ANKRD33B: variants seen among roughly 807,000 people sequenced by gnomAD.
ANKRD33B encodes ankyrin repeat domain-containing protein 33B.
In ANKRD33B, 6 loss-of-function variants were observed where a neutral mutation model predicts 21.5. The ratio of observed to expected loss-of-function variants is 0.28; its 90% CI spans 0.15 to 0.55. ANKRD33B has a LOEUF of 0.55. ANKRD33B is among the 20% of genes least tolerant of loss of function. The probability of loss-of-function intolerance (pLI) is 0.94; values close to 1 mark genes in which losing one functional copy is unlikely to be tolerated. For missense variants in ANKRD33B, 698 were observed against 747.2 expected (o/e 0.93, Z 0.77); for synonymous variants, 347 against 342.4 (o/e 1.01, Z -0.15).
chr5:10,564,908 C>T, intron 1 of ANKRD33B, 75 bp downstream of exon 1: 1 of 1,431,578 alleles, frequency 7.0e-7, no homozygotes, highest in East Asian at 2.5e-5. Context: ...ATCCCCGCGC[C>T]TCCCAGCTCC....
At chr5:10,588,822 G>A (rs562178167) in intron 1 of ANKRD33B, among the ~76,000 whole-genome samples, 1 of 152,334 alleles carries the variant, frequency 6.6e-6, no homozygotes, top group Admixed American at 6.5e-5. Context: ...ATGCCATTGG[G>A]ATGTGGAGAT....
Position 10,655,104 on chromosome 5 carries a change from A to T in ANKRD33B, c.*4991A>T, listed in dbSNP as rs766307539. On this transcript the variant is annotated 3_prime_UTR_variant, in exon 4 of 4. Coordinates refer to ENST00000296657, the MANE Select transcript of ANKRD33B (RefSeq NM_001164440.2). ...GGCTCCTCCTGGGAGCAGGAGAGAGAGAGTTTGTGATGTTGGTTGGAAAAT... is the reference window on the plus strand; with the variant it reads ...GGCTCCTCCTGGGAGCAGGAGAGAGTGAGTTTGTGATGTTGGTTGGAAAAT... The T allele has an allele frequency of 6.6e-6, 1 of 152,216 alleles. No homozygotes were observed. Among genetic ancestry groups the T allele is most frequent in the Non-Finnish European group, 1.5e-5 (1 of 68,046 alleles). The allele number at this position is 152,216 out of a possible 1,614,324, so 9.4% of individuals were successfully genotyped here.
At position 10,637,462 on chromosome 5, in the gene ANKRD33B, A is replaced by ACACACACGG. The variant is rs1491289427; in HGVS notation, c.497-565_497-564insACACACGGC. On this transcript the variant is annotated intron_variant, in intron 2 of 3. Transcript: ENST00000296657. ...CACACACACACACACACACACACAC[A>ACACACACGG]CGGCGGCGGGGGGAGGGGTGGTGGT... Among the ~76,000 whole-genome samples the ACACACACGG allele has an allele frequency of 1.1e-3, 126 of 114,626 alleles. 1 individual carries two copies. Among genetic ancestry groups the ACACACACGG allele is most frequent in the African/African-American group, 3.7e-3 (118 of 31,560 alleles). The allele number at this position is 114,626 out of a possible 152,430, so 75.2% of individuals were successfully genotyped here.
Position 10,618,481 on chromosome 5 carries a change from C to G in ANKRD33B, c.496+19C>G, listed in dbSNP as rs1736339654. ...CAGGCAGGTAAGAGCTGGCTTTCCC[C>G]TTTCCTCTCAGAGCCGTGGCCAGAG... On this transcript the variant is annotated intron_variant, in intron 2 of 3. Coordinates refer to ENST00000296657, the MANE Select transcript of ANKRD33B (RefSeq NM_001164440.2). 1 of 1,513,908 alleles carries G rather than the reference C, an allele frequency of 6.6e-7. No individual in the cohort carries two copies. Among genetic ancestry groups the G allele is most frequent in the Non-Finnish European group, 8.8e-7 (1 of 1,133,738 alleles). 93.8% of individuals were successfully genotyped at this position (1,513,908 alleles called of 1,614,324 possible).
chr5:10,594,667 A>G (rs1049709875), intron 1 of ANKRD33B, among the ~76,000 whole-genome samples: 2 of 152,048 alleles, frequency 1.3e-5, no homozygotes, highest in Non-Finnish European at 2.9e-5. Flanking sequence ...TTGATTCATT[A>G]GGTGGGGTAA....
At chr5:10,623,533 T>C (rs1273732226) in intron 2 of ANKRD33B, among the ~76,000 whole-genome samples, 4 of 152,182 alleles carry the variant, frequency 2.6e-5, no homozygotes. Flanking sequence ...CAGGACCTAA[T>C]CACCTCCGAA....
At position 10,649,256 on chromosome 5, in the gene ANKRD33B, C is replaced by G; in HGVS notation, c.638-10C>G. On this transcript the variant is annotated splice_polypyrimidine_tract_variant and intron_variant, in intron 3 of 3. Coordinates refer to ENST00000296657, the MANE Select transcript of ANKRD33B (RefSeq NM_001164440.2). The stretch of plus-strand genomic sequence containing the variant: ...GCCACCCACTTCTGTTTGTGTTTTG[C>G]GTTTTGCAGGGGCGGATGTCCACGC... 6.6e-7 allele frequency: 1 copy of G among 1,510,868 alleles called. No individual in the cohort carries two copies. Among genetic ancestry groups the G allele is most frequent in the Non-Finnish European group, 8.9e-7 (1 of 1,129,854 alleles). The allele number at this position is 1,510,868 out of a possible 1,614,324, so 93.6% of individuals were successfully genotyped here.
Position 10,564,376 on chromosome 5 carries a change from G to A in ANKRD33B, c.-92G>A, listed in dbSNP as rs1734998488. ...CGCGGGCCACGGCTTCTCTGGGGACGCAGAAGCGAGAAGCGGGGACCTCGG... is the reference window on the plus strand; with the variant it reads ...CGCGGGCCACGGCTTCTCTGGGGACACAGAAGCGAGAAGCGGGGACCTCGG... On this transcript the variant is annotated 5_prime_UTR_variant, in exon 1 of 4. Transcript: ENST00000296657. 1 of 878,344 alleles carries A rather than the reference G, an allele frequency of 1.1e-6. No individual in the cohort carries two copies. The highest frequency in any genetic ancestry group is 1.4e-6 in the Non-Finnish European group (1 of 727,280). The allele number at this position is 878,344 out of a possible 1,614,324, so 54.4% of individuals were successfully genotyped here.
intron 1 of ANKRD33B, among the ~76,000 whole-genome samples, chr5:10,590,505 C>T (rs1353382995): frequency 6.6e-6 from 1 of 152,242 alleles, no homozygotes; most frequent in South Asian, 2.1e-4. Flanking sequence ...TATCCAACCC[C>T]TGGCCTGCGG....
At chr5:10,590,714 G>A (rs1266278598) in intron 1 of ANKRD33B, among the ~76,000 whole-genome samples, 2 of 151,996 alleles carry the variant, frequency 1.3e-5, no homozygotes, top group Non-Finnish European at 2.9e-5. Context: ...CAAAAGATTG[G>A]ATACCCCTCC....
At chr5:10,594,338 C>T (rs890381157) in intron 1 of ANKRD33B, among the ~76,000 whole-genome samples, 3 of 150,016 alleles carry the variant, frequency 2.0e-5, no homozygotes, top group African/African-American at 7.3e-5. Flanking sequence ...CTGCCTCAGG[C>T]TCCTGAGGAG....
chr5:10,571,572 C>T (rs923900796), intron 1 of ANKRD33B, among the ~76,000 whole-genome samples: 4 of 152,124 alleles, frequency 2.6e-5, no homozygotes, highest in Non-Finnish European at 2.9e-5. Context: ...GTGTGCTTTT[C>T]ATTTCCTAGT....
Position 10,650,058 on chromosome 5 carries a change from G to A in ANKRD33B, c.1430G>A (p.Arg477His), listed in dbSNP as rs765815074. 7.2e-6 allele frequency: 11 copies of A among 1,530,740 alleles called. No homozygotes were observed. Among genetic ancestry groups the A allele is most frequent in the South Asian group, 2.4e-5 (2 of 83,634 alleles). The allele number at this position is 1,530,740 out of a possible 1,614,324, so 94.8% of individuals were successfully genotyped here. A position where few individuals can be genotyped will look rare whatever the true frequency, so the allele number is the denominator to read the frequency against. ...AAGGCAGAGGAGGCCGAAAAGAAGC[G>A]CCAGGCCGAGGCGCAGAAGGAGAGG... ...KRKAEEAEKK[R>H]QAEAQKERRT... Residue 477 changes from arginine to histidine, a missense_variant, in exon 4 of 4, where the codon CGC (arginine) becomes CAC (histidine). Physicochemically the swap from Arg to His is conservative, Grantham distance 29. Around this residue, in one of 3 missense-constraint regions of ANKRD33B, gnomAD observed 543 missense variants for 566.5 expected, o/e 0.96. Coordinates refer to ENST00000296657, the MANE Select transcript of ANKRD33B (RefSeq NM_001164440.2).
intron 1 of ANKRD33B, among the ~76,000 whole-genome samples, chr5:10,579,164 CAAA>C (rs10717188): frequency 6.1e-5 from 7 of 115,496 alleles, no homozygotes; most frequent in Admixed American, 1.8e-4. Context: ...TACTGTGTCT[CAAA>C]AAAAAAAAAA....
intron 3 of ANKRD33B, among the ~76,000 whole-genome samples, chr5:10,643,819 CAAA>C (rs374365829): frequency 0.31 from 27,237 of 88,820 alleles, 2,622 homozygotes; most frequent in Middle Eastern, 0.48. Flanking sequence ...GACTCTGTCT[CAAA>C]AAAAAAAAAA....
intron 1 of ANKRD33B, among the ~76,000 whole-genome samples, chr5:10,572,399 G>C (rs1277256882): frequency 6.6e-6 from 1 of 152,020 alleles, no homozygotes; most frequent in Non-Finnish European, 1.5e-5. Context: ...ACCTGCCAGG[G>C]GCTTTGGAGG....
chr5:10,580,852 C>T (rs960223580), intron 1 of ANKRD33B, among the ~76,000 whole-genome samples: 4 of 152,162 alleles, frequency 2.6e-5, no homozygotes, highest in African/African-American at 4.8e-5. Flanking sequence ...CTGGTTCTTT[C>T]CCTCCTTTTC....
rs187393631 is a variant in ANKRD33B, at chr5:10,619,430, T to A, written c.496+968T>A. On this transcript the variant is annotated intron_variant, in intron 2 of 3. Transcript: ENST00000296657. The surrounding 1 kb of genome is among the most constrained non-coding windows in gnomAD (Gnocchi z 4.5). The stretch of plus-strand genomic sequence containing the variant: ...CTGTTGCTGTCACCAAAAGGAGACC[T>A]CCTTGTCCCTTGTTGCTTCACAAGC... The A allele has an allele frequency of 4.5e-3, 4,367 of 963,456 alleles. 10 individuals are homozygous for A. The highest frequency in any genetic ancestry group is 5.1e-3 in the Non-Finnish European group (4,145 of 809,934). 59.7% of individuals were successfully genotyped at this position (963,456 alleles called of 1,614,324 possible).
intron 1 of ANKRD33B, among the ~76,000 whole-genome samples, chr5:10,586,240 C>T (rs975003341): frequency 6.6e-6 from 1 of 151,984 alleles, no homozygotes; most frequent in Non-Finnish European, 1.5e-5. Context: ...TTGTGGAGCC[C>T]CTGTATACAG....
Sources: gnomAD v4.1 joint callset for allele counts (sites outside exome capture counted in the v4.1 genomes callset) on GRCh38, gnomAD v4.1.1 for gene constraint, gnomAD v4.1.1 regional missense constraint, Gnocchi (gnomAD v3.1) non-coding constraint, MANE v1.5 for transcripts, NCBI Gene and HGNC (gene_info 2026-07-23, HGNC 2026-07-21) for gene names.